ZBTB38: variants seen among roughly 807,000 people sequenced by gnomAD.
ZBTB38 encodes the protein zinc finger and BTB domain-containing protein 38.
In ZBTB38, 20 loss-of-function variants were observed where a neutral mutation model predicts 76.8. The ratio of observed to expected loss-of-function variants is 0.26; its 90% CI spans 0.18 to 0.38. ZBTB38 has a LOEUF of 0.38. Ranked by LOEUF, ZBTB38 falls within the 10% of genes least tolerant of loss-of-function variation. The probability of loss-of-function intolerance (pLI) is 1.00; values close to 1 mark genes in which losing one functional copy is unlikely to be tolerated. For synonymous variants in ZBTB38, 504 were observed against 544.2 expected, an observed-to-expected ratio of 0.93 and a Z score of 1.03; for missense variants, 1,082 against 1,482.3, an observed-to-expected ratio of 0.73 and a Z score of 4.43.
chr3:141,424,376 C>T lies in ZBTB38; in HGVS notation c.1-18013C>T, dbSNP rs113471825. Among the ~76,000 whole-genome samples the T allele has an allele frequency of 1.7e-3, 255 of 152,112 alleles. 5 individuals are homozygous for T. Among genetic ancestry groups the T allele is most frequent in the African/African-American group, 6.0e-3 (249 of 41,490 alleles). ...TCTACAAAGAAATAAAAAAAATTAG[C>T]TGGGCATGTTAGCGGGCACCTGTGA... On this transcript the variant is annotated intron_variant, in intron 5 of 5. Transcript: ENST00000321464.
intron 5 of ZBTB38, among the ~76,000 whole-genome samples, chr3:141,431,341 A>ATATATAT (rs1553771300): frequency 1.9e-5 from 2 of 103,292 alleles, no homozygotes; most frequent in African/African-American, 1.2e-4. Flanking sequence ...AAAAAAAAAA[A>ATATATAT]ATATATATAT....
chr3:141,393,470 T>G (rs1446280144), intron 4 of ZBTB38, among the ~76,000 whole-genome samples: 1 of 152,106 alleles, frequency 6.6e-6, no homozygotes, highest in Non-Finnish European at 1.5e-5. Flanking sequence ...TCTTGTTTCT[T>G]GAACTGAGGA....
Position 141,346,381 on chromosome 3 carries a change from C to A in ZBTB38, c.-739+21925C>A, listed in dbSNP as rs1943353355. 2.6e-5 allele frequency among the ~76,000 whole-genome samples: 4 copies of A among 152,160 alleles called. No individual in the cohort carries two copies. The South Asian group carries it at 8.3e-4, about 32-fold the overall frequency. On this transcript the variant is annotated intron_variant, in intron 1 of 7. Transcript: ENST00000509842. Reference sequence around the variant, plus strand: ...TTAGCAGCATTGAAATAAACGCTTCCCATTGGCTGGAGAAATTTCCTCGTG... The same window carrying A: ...TTAGCAGCATTGAAATAAACGCTTCACATTGGCTGGAGAAATTTCCTCGTG...
chr3:141,372,858 G>A (rs1944836738), intron 2 of ZBTB38, among the ~76,000 whole-genome samples: 1 of 152,190 alleles, frequency 6.6e-6, no homozygotes, highest in South Asian at 2.1e-4. Context: ...CATTCATGTG[G>A]GAGAATGGCT....
At chr3:141,398,681 A>C (rs1343695478) in intron 4 of ZBTB38, among the ~76,000 whole-genome samples, 1 of 152,102 alleles carries the variant, frequency 6.6e-6, no homozygotes, top group Non-Finnish European at 1.5e-5. Context: ...CACTTCTATA[A>C]GTTTGAAATA....
chr3:141,354,693 T>C (rs1943613243), intron 1 of ZBTB38, among the ~76,000 whole-genome samples: 1 of 152,162 alleles, frequency 6.6e-6, no homozygotes, highest in African/African-American at 2.4e-5. Flanking sequence ...GAAGTACCCA[T>C]ATCTTTTACT....
rs925275836 is a variant in ZBTB38, at chr3:141,348,702, C to G, written c.-738-19919C>G. Among the ~76,000 whole-genome samples the G allele has an allele frequency of 4.6e-5, 7 of 152,168 alleles. No homozygotes were observed. The East Asian group carries it at 1.2e-3, about 25-fold the overall frequency. On this transcript the variant is annotated intron_variant, in intron 1 of 7. Transcript: ENST00000509842. ...ACGAGCTAGGATTTCAAACATGGAACCTGGCACTGTATCTGTCAAGAGCCA... is the reference window on the plus strand; with the variant it reads ...ACGAGCTAGGATTTCAAACATGGAAGCTGGCACTGTATCTGTCAAGAGCCA...
At chr3:141,403,631 C>T (rs1487163806) in intron 4 of ZBTB38, among the ~76,000 whole-genome samples, 1 of 152,168 alleles carries the variant, frequency 6.6e-6, no homozygotes, top group Non-Finnish European at 1.5e-5. Context: ...GTTAATAGCC[C>T]AGGCCTTGGA....
intron 4 of ZBTB38, chr3:141,392,706 G>A (rs1015519567): frequency 3.3e-5 from 5 of 152,166 alleles, no homozygotes; most frequent in South Asian, 2.1e-4. Context: ...CCTCAATAAC[G>A]GCTGCCACTT....
At chr3:141,374,500 C>A (rs528466604) in intron 2 of ZBTB38, among the ~76,000 whole-genome samples, 8 of 152,266 alleles carry the variant, frequency 5.3e-5, no homozygotes, top group African/African-American at 1.9e-4. Context: ...GCCTTCCAAG[C>A]CAGAGTGGAG....
chr3:141,356,644 C>A (rs888325489), intron 1 of ZBTB38, among the ~76,000 whole-genome samples: 1 of 152,180 alleles, frequency 6.6e-6, no homozygotes, highest in African/African-American at 2.4e-5. Flanking sequence ...ATCTCGTCCC[C>A]CTCCCTGCTC....
intron 5 of ZBTB38, among the ~76,000 whole-genome samples, chr3:141,440,030 A>G (rs979951959): frequency 6.6e-6 from 1 of 152,246 alleles, no homozygotes; most frequent in Non-Finnish European, 1.5e-5. Flanking sequence ...AGAGGAAGTC[A>G]TAAGATTCCA....
intron 5 of ZBTB38, among the ~76,000 whole-genome samples, chr3:141,431,341 A>ATATATATAT (rs1553771300): frequency 1.9e-5 from 2 of 103,288 alleles, no homozygotes; most frequent in African/African-American, 1.2e-4. Flanking sequence ...AAAAAAAAAA[A>ATATATATAT]ATATATATAT....
intron 5 of ZBTB38, among the ~76,000 whole-genome samples, chr3:141,434,672 A>G (rs1049306277): frequency 6.6e-6 from 1 of 152,168 alleles, no homozygotes; most frequent in African/African-American, 2.4e-5. Context: ...AAAATTCCAA[A>G]TATGCTAATT....
intron 5 of ZBTB38, among the ~76,000 whole-genome samples, chr3:141,416,550 A>T (rs2074093788): frequency 6.6e-6 from 1 of 152,102 alleles, no homozygotes. Context: ...GCTCCCTCTC[A>T]CATTCATTCA....
intron 2 of ZBTB38, among the ~76,000 whole-genome samples, chr3:141,379,941 T>G (rs1408319371): frequency 1.3e-5 from 2 of 152,274 alleles, no homozygotes; most frequent in East Asian, 3.8e-4. Context: ...TATTTTCATC[T>G]GAGAGGAATT....
chr3:141,435,419 T>C (rs77960269), intron 5 of ZBTB38, among the ~76,000 whole-genome samples: 2,342 of 152,320 alleles, frequency 0.015, 51 homozygotes, highest in African/African-American at 0.053. Flanking sequence ...ATGCTTGTAT[T>C]TGCACATACA....
At chr3:141,365,987 G>A (rs571839890), upstream of ZBTB38, among the ~76,000 whole-genome samples, 5 of 152,224 alleles carry the variant, frequency 3.3e-5, no homozygotes, top group African/African-American at 1.2e-4. Flanking sequence ...ATTCATAAAG[G>A]TTTGGTTTTA....
intron 5 of ZBTB38, among the ~76,000 whole-genome samples, chr3:141,428,063 G>T (rs2076736216): frequency 6.6e-6 from 1 of 152,164 alleles, no homozygotes; most frequent in Admixed American, 6.5e-5. Flanking sequence ...AGATCATCCT[G>T]GCAACTGCCA....
Sources: gnomAD v4.1 joint callset for allele counts (sites outside exome capture counted in the v4.1 genomes callset) on GRCh38, gnomAD v4.1.1 for gene constraint, MANE v1.5 for transcripts, NCBI Gene and HGNC (gene_info 2026-07-23, HGNC 2026-07-21) for gene names.